CACNA1C: variants seen among roughly 807,000 people sequenced by gnomAD.
CACNA1C encodes calcium voltage-gated channel subunit alpha1 C.
Under a neutral mutation model 229.0 loss-of-function variants are expected in CACNA1C, and 30 were observed. That is an observed-to-expected ratio of 0.13 (90% CI 0.10 to 0.18). CACNA1C has a LOEUF of 0.18. Among genes scored for constraint, CACNA1C ranks in the 10% least tolerant of loss-of-function variants. The pLI is 1.00. For synonymous variants in CACNA1C, 1,114 were observed against 1,132.5 expected, an observed-to-expected ratio of 0.98 and a Z score of 0.33; for missense variants, 1,658 against 2,845.0, an observed-to-expected ratio of 0.58 and a Z score of 9.49.
Position 2,346,073 on chromosome 12 carries a change from G to C in CACNA1C, c.478-102903G>C, listed in dbSNP as rs2097007146. On this transcript the variant is annotated intron_variant, in intron 3 of 46. Transcript: ENST00000399655. This position sits in a 1 kb window ranked among gnomAD's most constrained non-coding sequence, Gnocchi z 4.4. ...ATAGTGCTGAAGATGCACAGCCTCT[G>C]TGTTCCATTTAGAACCGCTGAAGCT... Among the ~76,000 whole-genome samples, 1 of 152,200 alleles carries C rather than the reference G, an allele frequency of 6.6e-6. No homozygotes were observed.
intron 1 of CACNA1C, among the ~76,000 whole-genome samples, chr12:2,027,368 C>T (rs1463579398): frequency 6.6e-6 from 1 of 152,180 alleles, no homozygotes; most frequent in African/African-American, 2.4e-5. Flanking sequence ...TCTGTCTTCC[C>T]CCCATTTGTT....
intron 1 of CACNA1C, among the ~76,000 whole-genome samples, chr12:2,106,052 G>A (rs2078342778): frequency 2.2e-5 from 1 of 45,072 alleles, no homozygotes; most frequent in African/African-American, 6.6e-5. Context: ...AAGCCACTGG[G>A]CGCCCACCCT....
intron 3 of CACNA1C, among the ~76,000 whole-genome samples, chr12:2,374,962 A>G (rs2098000021): frequency 6.6e-6 from 1 of 152,214 alleles, no homozygotes; most frequent in Non-Finnish European, 1.5e-5. Context: ...TTGTCTGGGA[A>G]CTGGGCAATA....
At position 2,601,461 on chromosome 12, in the gene CACNA1C, G is replaced by A. The variant is rs1447431884; in HGVS notation, c.2854-393G>A. ...CCTAAGGACTCAAGCATTTGGAGAG[G>A]CAGTCGGGATGTGTGCTCCCAACCC... is the stretch of plus-strand genomic sequence containing the variant. On this transcript the variant is annotated intron_variant, in intron 21 of 46. Transcript: ENST00000399655. The surrounding 1 kb of genome is among the most constrained non-coding windows in gnomAD (Gnocchi z 5.9). 1.3e-5 allele frequency among the ~76,000 whole-genome samples: 2 copies of A among 152,174 alleles called. No individual in the cohort carries two copies. Among genetic ancestry groups the A allele is most frequent in the African/African-American group, 2.4e-5 (1 of 41,454 alleles).
Position 2,461,607 on chromosome 12 carries a change from A to G in CACNA1C, c.757+3901A>G, listed in dbSNP as rs576930796. Among the ~76,000 whole-genome samples, 4 of 152,288 alleles carry G rather than the reference A, an allele frequency of 2.6e-5. No individual in the cohort carries two copies. In the South Asian group the frequency reaches 8.3e-4, roughly 32 times the overall value. ...GACTCCGTTCCTCTCCTGTCTGAAT[A>G]GATAATAAGTATCTTGCACTTAGCA... On this transcript the variant is annotated intron_variant, in intron 5 of 46. Coordinates refer to ENST00000399655, the MANE Select transcript of CACNA1C (RefSeq NM_000719.7).
At chr12:2,487,254 G>T (rs906111917) in intron 6 of CACNA1C, among the ~76,000 whole-genome samples, 5 of 151,662 alleles carry the variant, frequency 3.3e-5, no homozygotes, top group African/African-American at 4.9e-5. Flanking sequence ...AAAAAGGGGA[G>T]CATCATCTGC....
intron 13 of CACNA1C, among the ~76,000 whole-genome samples, chr12:2,580,163 G>A (rs2059985929): frequency 6.6e-6 from 1 of 152,310 alleles, no homozygotes; most frequent in African/African-American, 2.4e-5. Context: ...AGACAAGACT[G>A]TATAGAACAG....
chr12:2,372,896 T>C (rs1331126549), intron 3 of CACNA1C, among the ~76,000 whole-genome samples: 1 of 152,170 alleles, frequency 6.6e-6, no homozygotes, highest in African/African-American at 2.4e-5. Context: ...TCGTTAGCAA[T>C]GGTAGCAGAT....
intron 1 of CACNA1C, among the ~76,000 whole-genome samples, chr12:2,030,243 A>T (rs932259748): frequency 6.6e-6 from 1 of 152,252 alleles, no homozygotes; most frequent in Non-Finnish European, 1.5e-5. Flanking sequence ...TCACCATATT[A>T]ATCAGGCCCA....
chr12:2,577,111 G>A (rs998161231), intron 13 of CACNA1C, among the ~76,000 whole-genome samples: 1 of 152,110 alleles, frequency 6.6e-6, no homozygotes, highest in East Asian at 1.9e-4. Context: ...GGCCTGCCTC[G>A]GGCCCAACCC....
intron 3 of CACNA1C, among the ~76,000 whole-genome samples, chr12:2,173,800 C>T (rs1390690129): frequency 6.6e-6 from 1 of 152,088 alleles, no homozygotes; most frequent in Non-Finnish European, 1.5e-5. Context: ...AACTATAGTA[C>T]CTACTACTAG....
At chr12:2,552,132 G>A (rs965915246) in intron 10 of CACNA1C, among the ~76,000 whole-genome samples, 9 of 152,166 alleles carry the variant, frequency 5.9e-5, no homozygotes, top group South Asian at 2.1e-4. Flanking sequence ...AGGCAGCAGC[G>A]CCAGCCTGGA....
rs12301336 is a variant in CACNA1C at position 2,350,280 on chromosome 12, T to C, written c.478-98696T>C. On this transcript the variant is annotated intron_variant, in intron 3 of 46. Transcript: ENST00000399655. ...TGGGTTGTGATGAGATGAGTGATTA[T>C]CAACACTGAGTGAGGGGTGGTCATG... 3.8e-3 allele frequency among the ~76,000 whole-genome samples: 581 copies of C among 152,262 alleles called. 6 individuals are homozygous for C. The highest frequency in any genetic ancestry group is 0.014 in the African/African-American group (565 of 41,554).
chr12:2,463,062 G>A (rs551035377), intron 5 of CACNA1C, among the ~76,000 whole-genome samples: 138 of 149,046 alleles, frequency 9.3e-4, no homozygotes, highest in African/African-American at 3.1e-3. Context: ...ATAGGCACCC[G>A]CCACCACGCC....
intron 1 of CACNA1C, among the ~76,000 whole-genome samples, chr12:2,043,484 A>G (rs1318862351): frequency 1.3e-5 from 2 of 152,062 alleles, no homozygotes; most frequent in Non-Finnish European, 2.9e-5. Context: ...GAGACAGAAG[A>G]ATTGAAACAG....
intron 3 of CACNA1C, among the ~76,000 whole-genome samples, chr12:2,444,644 A>G (rs1226115952): frequency 6.6e-6 from 1 of 151,508 alleles, no homozygotes; most frequent in Non-Finnish European, 1.5e-5. Flanking sequence ...TTCCTCCAAA[A>G]CCCCTCTTCC....
At chr12:2,480,034 G>A (rs2099667528) in intron 5 of CACNA1C, among the ~76,000 whole-genome samples, 1 of 152,186 alleles carries the variant, frequency 6.6e-6, no homozygotes, top group South Asian at 2.1e-4. Context: ...CTTTACCAGC[G>A]AGGACGTTAT....
intron 21 of CACNA1C, among the ~76,000 whole-genome samples, chr12:2,598,232 C>T (rs1026906583): frequency 6.6e-6 from 1 of 152,166 alleles, no homozygotes; most frequent in African/African-American, 2.4e-5. Context: ...GGAACCTGAG[C>T]ACCCAGCCCC....
intron 1 of CACNA1C, among the ~76,000 whole-genome samples, chr12:1,985,806 C>T (rs2037522492): frequency 6.6e-6 from 1 of 151,998 alleles, no homozygotes; most frequent in Admixed American, 6.6e-5. Context: ...CATATCAGTT[C>T]CATTTTCTTT....
Sources: allele counts gnomAD v4.1 joint callset (sites outside exome capture counted in the v4.1 genomes callset), GRCh38; gene constraint gnomAD v4.1.1; non-coding constraint Gnocchi (gnomAD v3.1); transcripts MANE v1.5; gene names NCBI Gene and HGNC (gene_info 2026-07-23, HGNC 2026-07-21).